C20orf173: variants seen among roughly 807,000 people sequenced by gnomAD.
C20orf173 encodes the protein uncharacterized protein C20orf173.
Under a neutral mutation model 26.7 loss-of-function variants are expected in C20orf173, and 22 were observed. That is an observed-to-expected ratio of 0.82 (90% confidence interval 0.59 to 1.18). C20orf173 has a LOEUF of 1.18. Ranked by LOEUF, C20orf173 falls within the 50% of genes most tolerant of loss-of-function variation. C20orf173 has a pLI of 0.00. For synonymous variants in C20orf173, 85 were observed against 96.4 expected, an observed-to-expected ratio of 0.88 and a Z score of 0.69; for missense variants, 210 against 250.3, an observed-to-expected ratio of 0.84 and a Z score of 1.09.
downstream of C20orf173, among the ~76,000 whole-genome samples, chr20:35,521,675 C>CT (rs1397634570): frequency 6.7e-6 from 1 of 149,928 alleles, no homozygotes; most frequent in Non-Finnish European, 1.5e-5. Flanking sequence ...GTGGCATGAT[C>CT]TTGGCTCACC....
At position 35,529,210 on chromosome 20, in the gene C20orf173, C is replaced by T; in HGVS notation, c.164G>A (p.Gly55Asp). ...DCPWFSSGKC[G>D]CPSETLNCSS... Reference sequence around the variant, plus strand: ...GCAGTTGAGGGTCTCAGAAGGGCAGCCACACTTCCCGGAACTGAACCAAGG... The same window carrying T: ...GCAGTTGAGGGTCTCAGAAGGGCAGTCACACTTCCCGGAACTGAACCAAGG... The change falls in exon 2 of 6, where the codon GGC (glycine) becomes GAC (aspartate). Residue 55 changes from glycine (G) to aspartate (D), a missense_variant. Gly to Asp is a moderately conservative substitution (Grantham distance 94). Transcript: ENST00000444723. The T allele has an allele frequency of 6.4e-7, 1 of 1,551,682 alleles. No homozygotes were observed. Among genetic ancestry groups the T allele is most frequent in the Non-Finnish European group, 8.7e-7 (1 of 1,146,990 alleles).
intron 2 of C20orf173, 45 bp downstream of exon 2, chr20:35,529,020 C>T (rs544460170): frequency 1.0e-5 from 16 of 1,538,272 alleles, no homozygotes; most frequent in Middle Eastern, 3.4e-4. Context: ...GGGTGAGGCC[C>T]GGAAAGCATG....
At chr20:35,525,552 C>CA (rs988520809), downstream of C20orf173, among the ~76,000 whole-genome samples, 13 of 149,932 alleles carry the variant, frequency 8.7e-5, no homozygotes, top group Admixed American at 2.0e-4. Flanking sequence ...GACTCCATCT[C>CA]AAAAAAAAAG....
rs1334563026 is a variant in C20orf173, at chr20:35,529,279, G to A, written c.95C>T (p.Pro32Leu). 9.0e-6 allele frequency: 14 copies of A among 1,551,418 alleles called. No individual in the cohort carries two copies. The highest frequency in any genetic ancestry group is 7.8e-5 in the Admixed American group (4 of 50,960). The part of the protein sequence containing the change: ...PYLDLTPESA[P>L]QEKRMYLVPQ... ...TACCAAGTACATTCGTTTTTCCTGG[G>A]GTGCTGATTCAGGTGTCAGATCCAG... is the stretch of plus-strand genomic sequence containing the variant. The change falls in exon 2 of 6, where the codon CCC (proline) becomes CTC (leucine). Residue 32 changes from proline to leucine, a missense_variant. By Grantham distance (98) the Pro-to-Leu change is moderately conservative (BLOSUM62 -3). Transcript: ENST00000444723.
chr20:35,524,272 C>G (rs2064491048), downstream of C20orf173, among the ~76,000 whole-genome samples: 1 of 152,056 alleles, frequency 6.6e-6, no homozygotes. Context: ...CTGCCTGCCT[C>G]TGCCTCCCAA....
intron 5 of C20orf173, 68 bp downstream of exon 5, chr20:35,528,165 A>C: frequency 7.3e-7 from 1 of 1,371,094 alleles, no homozygotes; most frequent in Non-Finnish European, 1.0e-6. Flanking sequence ...AGGGGGAGGG[A>C]ACTGACCTGG....
At chr20:35,526,498 A>G (rs570737674), downstream of C20orf173, among the ~76,000 whole-genome samples, 1 of 152,162 alleles carries the variant, frequency 6.6e-6, no homozygotes, top group South Asian at 2.1e-4. Flanking sequence ...GTGTGGTGAC[A>G]TGCATTTATA....
rs2064532848 is a variant in C20orf173 at position 35,529,243 on chromosome 20, C to CA, written c.130dup (p.Cys44LeufsTer16). On this transcript the variant is annotated frameshift_variant, in exon 2 of 6. Coordinates refer to ENST00000444723, the MANE Select transcript of C20orf173 (RefSeq NM_001145350.2). LOFTEE classifies it high-confidence loss of function. Reference sequence around the variant, plus strand: ...CCCGGAACTGAACCAAGGGCAGTCGCAATGCTGTGGTACCAAGTACATTCG... The same window carrying CA: ...CCCGGAACTGAACCAAGGGCAGTCGCAAATGCTGTGGTACCAAGTACATTCG... 4 of 1,551,562 alleles carry CA rather than the reference C, an allele frequency of 2.6e-6. No individual in the cohort carries two copies. Among genetic ancestry groups the CA allele is most frequent in the Non-Finnish European group, 3.5e-6 (4 of 1,146,976 alleles).
chr20:35,526,666 G>A (rs899400407), downstream of C20orf173, among the ~76,000 whole-genome samples: 3 of 148,184 alleles, frequency 2.0e-5, no homozygotes, highest in Admixed American at 6.7e-5. Flanking sequence ...TTGGAACTGA[G>A]GCACCTAAAA....
At position 35,528,908 on chromosome 20, in the gene C20orf173, C is replaced by T. The variant is rs1374303525; in HGVS notation, c.310-29G>A. 4 of 1,551,090 alleles carry T rather than the reference C, an allele frequency of 2.6e-6. No homozygotes were observed. In the Admixed American group the frequency reaches 7.9e-5, roughly 30 times the overall value. ...GAAACAGCAAGAGGGAGATTGGGGG[C>T]TGGGCCCAGGGGAGAGAAAACAGAG... is the stretch of plus-strand genomic sequence containing the variant. On this transcript the variant is annotated intron_variant, in intron 2 of 5. Transcript: ENST00000444723.
Position 35,528,800 on chromosome 20 carries a change from A to G in C20orf173, c.389T>C (p.Phe130Ser). Reference protein sequence around the residue: ...KGIPRLSVSHFDFYCGTCVLL... With the variant: ...KGIPRLSVSHSDFYCGTCVLL... ...CACACAAGTCCCACAATAGAAATCA[A>G]AATGGCTCACCGAGAGCCTGGGAAT... The change falls in exon 3 of 6, where the codon TTT becomes TCT. Residue 130 changes from phenylalanine (F) to serine (S), a missense_variant. Physicochemically the swap from Phe to Ser is radical, Grantham distance 155 (BLOSUM62 -2). Transcript: ENST00000444723. 1 of 1,551,254 alleles carries G rather than the reference A, an allele frequency of 6.4e-7. No homozygotes were observed. Among genetic ancestry groups the G allele is most frequent in the Middle Eastern group, 1.7e-4 (1 of 5,990 alleles).
Position 35,529,102 on chromosome 20 carries a change from C to T in C20orf173, c.272G>A (p.Arg91Lys), listed in dbSNP as rs2064530582. The T allele has an allele frequency of 1.3e-6, 2 of 1,551,712 alleles. No individual in the cohort carries two copies. The highest frequency in any genetic ancestry group is 2.4e-5 in the East Asian group (1 of 40,922). ...RKTMGYLMRTRESMTSDTVLW... is the reference protein window; with the variant it reads ...RKTMGYLMRTKESMTSDTVLW... ...CACAGTGTCAGAGGTCATAGACTCT[C>T]TTGTCCTCATCAGGTACCCCATAGT... The change falls in exon 2 of 6, where the codon AGA (arginine) becomes AAA (lysine). Residue 91 changes from arginine (R) to lysine (K), a missense_variant. Transcript: ENST00000444723.
intron 5 of C20orf173, 23 bp downstream of exon 5, chr20:35,528,209 AC>A (rs1568861683): frequency 6.5e-7 from 1 of 1,546,790 alleles, no homozygotes. Context: ...GCCACATCCT[AC>A]CCCTTTTCCT....
downstream of C20orf173, among the ~76,000 whole-genome samples, chr20:35,523,741 A>G (rs1473903872): frequency 5.9e-5 from 9 of 152,178 alleles, no homozygotes; most frequent in Non-Finnish European, 1.5e-5. Flanking sequence ...GTGGTAGTCA[A>G]GGGTCCAGGG....
downstream of C20orf173, among the ~76,000 whole-genome samples, chr20:35,526,049 C>T (rs776754761): frequency 3.3e-5 from 5 of 152,142 alleles, no homozygotes; most frequent in African/African-American, 4.8e-5. Flanking sequence ...CAGAGAAAAA[C>T]AATTCGCCGG....
rs769817846 is a variant in C20orf173, at chr20:35,528,681, G to A, written c.488+20C>T. 27 of 1,528,060 alleles carry A rather than the reference G, an allele frequency of 1.8e-5. 1 individual carries two copies. The South Asian group carries it at 2.2e-4, about 13-fold the overall frequency. The allele number at this position is 1,528,060 out of a possible 1,614,324, so 94.7% of individuals were successfully genotyped here. ...GGGCAGGCCTGGCCTTCCTGCTCCC[G>A]CCCTCTCCCCAGCACCCACCTGAAA... On this transcript the variant is annotated intron_variant, in intron 3 of 5. Coordinates refer to ENST00000444723, the MANE Select transcript of C20orf173 (RefSeq NM_001145350.2).
chr20:35,524,568 G>A (rs962760835), downstream of C20orf173, among the ~76,000 whole-genome samples: 6 of 152,016 alleles, frequency 3.9e-5, no homozygotes, highest in Admixed American at 1.3e-4. Flanking sequence ...ATATTGGATG[G>A]TACAGAAATA....
At chr20:35,524,699 A>AT (rs11483123), downstream of C20orf173, among the ~76,000 whole-genome samples, 26,984 of 142,310 alleles carry the variant, frequency 0.19, 2,710 homozygotes, top group Middle Eastern at 0.31. Flanking sequence ...GTTCATGATA[A>AT]TTTTTTTTTT....
At chr20:35,528,211 C>A (rs893537977) in intron 5 of C20orf173, 22 bp downstream of exon 5, 2 of 1,548,624 alleles carry the variant, frequency 1.3e-6, no homozygotes, top group Non-Finnish European at 1.7e-6. Flanking sequence ...CACATCCTAC[C>A]CCTTTTCCTA....
Sources: allele counts gnomAD v4.1 joint callset (sites outside exome capture counted in the v4.1 genomes callset), GRCh38; gene constraint gnomAD v4.1.1; transcripts MANE v1.5; gene names NCBI Gene and HGNC (gene_info 2026-07-23, HGNC 2026-07-21).